The following DNAJC10 variants were observed in gnomAD, a reference collection of about 807,000 sequenced individuals.
DNAJC10 encodes the protein endoplasmic reticulum disulfide reductase DNAJC10.
DNAJC10 carries 101 observed loss-of-function variants against 115.0 expected under a neutral mutation model. The observed-to-expected ratio is 0.88, with a 90% confidence interval of 0.75 to 1.04. The LOEUF (loss-of-function observed/expected upper bound fraction) is 1.04, where lower values mean the gene tolerates loss of function less well. DNAJC10 is among the 50% of genes least tolerant of loss of function. The pLI is 0.00. For missense variants in DNAJC10, 981 were observed against 928.8 expected (o/e 1.06, Z -0.73); for synonymous variants, 307 against 301.5 (o/e 1.02, Z -0.19).
intron 11 of DNAJC10, among the ~76,000 whole-genome samples, chr2:182,736,657 T>G (rs1559004980): frequency 6.6e-6 from 1 of 152,228 alleles, no homozygotes; most frequent in Non-Finnish European, 1.5e-5. Context: ...TTTAAAACCA[T>G]TATATTTTTA....
intron 14 of DNAJC10, among the ~76,000 whole-genome samples, chr2:182,744,873 A>G (rs545842814): frequency 3.3e-5 from 5 of 152,376 alleles, no homozygotes; most frequent in African/African-American, 1.2e-4. Context: ...CTAAGTTTTA[A>G]TAATGGAATA....
chr2:182,731,163 GAC>G, intron 9 of DNAJC10, 56 bp downstream of exon 9: 1 of 1,378,348 alleles, frequency 7.3e-7, no homozygotes. Context: ...AATTTTTGGT[GAC>G]AGTTTTAAGT....
chr2:182,743,471 G>T, intron 13 of DNAJC10, 127 bp from the exon 14 acceptor site: 3 of 614,934 alleles, frequency 4.9e-6, no homozygotes, highest in Non-Finnish European at 5.7e-6. Context: ...TCTTATTTTC[G>T]TAGCCTATTA....
At chr2:182,758,594 G>A (rs746595019) in intron 19 of DNAJC10, among the ~76,000 whole-genome samples, 14 of 152,102 alleles carry the variant, frequency 9.2e-5, no homozygotes, top group Non-Finnish European at 1.8e-4. Context: ...AGGTCTACAG[G>A]AGATGTCCAG....
chr2:182,718,065 C>T lies in DNAJC10; in HGVS notation c.-22C>T. On this transcript the variant is annotated 5_prime_UTR_variant, in exon 3 of 24. Coordinates refer to ENST00000264065, the MANE Select transcript of DNAJC10 (RefSeq NM_018981.4). ...AGTGAATCTTAATGTTCACTTAAATCAGAACTTGCATAAGAAAGAGAATGG... is the reference window on the plus strand; with the variant it reads ...AGTGAATCTTAATGTTCACTTAAATTAGAACTTGCATAAGAAAGAGAATGG... The T allele has an allele frequency of 6.4e-7, 1 of 1,553,062 alleles. No homozygotes were observed. The highest frequency in any genetic ancestry group is 1.2e-5 in the South Asian group (1 of 82,972).
chr2:182,762,538 TG>T, intron 21 of DNAJC10, 143 bp from the exon 22 acceptor site: 1 of 833,928 alleles, frequency 1.2e-6, no homozygotes, highest in Non-Finnish European at 1.8e-6. Context: ...AGGGATAATG[TG>T]GAAATAATCT....
intron 10 of DNAJC10, among the ~76,000 whole-genome samples, chr2:182,734,765 A>C (rs1311622659): frequency 6.6e-6 from 1 of 151,732 alleles, no homozygotes. Flanking sequence ...TTAATTTAGA[A>C]TTGTATGTTT....
intron 14 of DNAJC10, among the ~76,000 whole-genome samples, chr2:182,744,407 A>G (rs922349005): frequency 6.6e-6 from 1 of 152,212 alleles, no homozygotes; most frequent in Non-Finnish European, 1.5e-5. Flanking sequence ...CGGGGAACAG[A>G]GGAGGGAGAT....
chr2:182,773,346 T>G (rs1323168091), intron 22 of DNAJC10, among the ~76,000 whole-genome samples: 1 of 152,188 alleles, frequency 6.6e-6, no homozygotes, highest in Non-Finnish European at 1.5e-5. Flanking sequence ...CTTTGTGGTG[T>G]TCTCTGTATT....
In DNAJC10 at chr2:182,720,127, G is replaced by T; in HGVS notation, c.325G>T (p.Gly109Cys). 6.2e-7 allele frequency: 1 copy of T among 1,611,484 alleles called. No individual in the cohort carries two copies. The highest frequency in any genetic ancestry group is 1.1e-5 in the South Asian group (1 of 90,564). The change falls in exon 4 of 24, where the codon GGT (glycine) becomes TGT (cysteine). Residue 109 changes from glycine (G) to cysteine (C), a missense_variant. Gly to Cys is a radical substitution (Grantham distance 159). Transcript: ENST00000264065. ...AGAAAAGGGACTTGAGGATAATCAA[G>T]GTGGCCAGTATGAAAGCTGGAACTA... ...YGEKGLEDNQ[G>C]GQYESWNYYR... is the part of the protein sequence containing the mutation.
At chr2:182,776,980 A>G in intron 23 of DNAJC10, 141 bp from the exon 24 acceptor site, 3 of 496,964 alleles carry the variant, frequency 6.0e-6, no homozygotes, top group Non-Finnish European at 1.0e-5. Flanking sequence ...GGCAAAGTAT[A>G]TTTCATGTCA....
rs568173232 is a variant in DNAJC10 at position 182,785,416 on chromosome 2, A to T, written c.*8284A>T. ...CTTGGTCACAGAAATGGGTGTACTG[A>T]ATTCTCGCCCTGTAGTCAAGTACTT... On this transcript the variant is annotated 3_prime_UTR_variant, in exon 24 of 24. Coordinates refer to ENST00000264065, the MANE Select transcript of DNAJC10 (RefSeq NM_018981.4). The T allele has an allele frequency of 2.0e-5, 3 of 152,268 alleles. No homozygotes were observed. In the South Asian group the frequency reaches 6.2e-4, roughly 32 times the overall value. 9.4% of individuals were successfully genotyped at this position (152,268 alleles called of 1,614,324 possible).
intron 14 of DNAJC10, among the ~76,000 whole-genome samples, chr2:182,744,291 A>G (rs940524929): frequency 6.6e-6 from 1 of 152,206 alleles, no homozygotes; most frequent in Non-Finnish European, 1.5e-5. Flanking sequence ...AGTTAAGTGA[A>G]CAACAGATAC....
chr2:182,741,465 A>G (rs187672037), intron 13 of DNAJC10, 109 bp downstream of exon 13: 1 of 528,488 alleles, frequency 1.9e-6, no homozygotes, highest in East Asian at 3.5e-5. Context: ...AAATTATAAG[A>G]AGCCTATAAG....
chr2:182,716,653 CCCTTCCTCTGCCCAG>C (rs1184670123), intron 1 of DNAJC10, among the ~76,000 whole-genome samples, 170 bp downstream of exon 1: 2 of 152,210 alleles, frequency 1.3e-5, no homozygotes, highest in African/African-American at 4.8e-5. Flanking sequence ...ATTCACACCA[CCCTTCCTCTGCCCAG>C]CGATTCCCTC....
chr2:182,790,284 A>G lies in DNAJC10; in HGVS notation c.*13152A>G, dbSNP rs1319112790. 6.6e-6 allele frequency: 1 copy of G among 152,202 alleles called. No homozygotes were observed. The highest frequency in any genetic ancestry group is 1.9e-4 in the East Asian group (1 of 5,200). The allele number at this position is 152,202 out of a possible 1,614,324, so 9.4% of individuals were successfully genotyped here. ...ATTTATTTTATACTTATAAACTTCA[A>G]GATTTGCTGAAGTACTTTGGGTGCT... On this transcript the variant is annotated 3_prime_UTR_variant, in exon 24 of 24. Transcript: ENST00000264065.
In DNAJC10 at chr2:182,782,138, G is replaced by A. The variant is rs1303064022; in HGVS notation, c.*5006G>A. ...AATTTTTATATAAGGTGTAAGGAAG[G>A]GGTCCCAGTTTCAGTTTTCTACATG... On this transcript the variant is annotated 3_prime_UTR_variant, in exon 24 of 24. Transcript: ENST00000264065. The A allele has an allele frequency of 6.6e-6, 1 of 152,110 alleles. No individual in the cohort carries two copies. Among genetic ancestry groups the A allele is most frequent in the South Asian group, 2.1e-4 (1 of 4,828 alleles). 9.4% of individuals were successfully genotyped at this position (152,110 alleles called of 1,614,324 possible). A position where few individuals can be genotyped will look rare whatever the true frequency, so the allele number is the denominator to read the frequency against.
intron 14 of DNAJC10, among the ~76,000 whole-genome samples, chr2:182,751,155 T>TTG (rs10701194): frequency 7.0e-6 from 1 of 142,682 alleles, no homozygotes; most frequent in African/African-American, 2.7e-5. Context: ...TTTTTTTTTT[T>TTG]GAAATGGAGT....
At chr2:182,758,915 TGTATAA>T in intron 20 of DNAJC10, 25 bp downstream of exon 20, 1 of 1,520,930 alleles carries the variant, frequency 6.6e-7, no homozygotes, top group South Asian at 1.1e-5. Context: ...TATATATCAT[TGTATAA>T]AATAGATTCA....
Sources: allele counts gnomAD v4.1 joint callset (sites outside exome capture counted in the v4.1 genomes callset), GRCh38; gene constraint gnomAD v4.1.1; transcripts MANE v1.5; gene names NCBI Gene and HGNC (gene_info 2026-07-23, HGNC 2026-07-21).